HMGCLL1: variants seen among roughly 807,000 people sequenced by gnomAD.
HMGCLL1 encodes 3-hydroxymethyl-3-methylglutaryl-CoA lyase, cytoplasmic.
Under a neutral mutation model 39.1 loss-of-function variants are expected in HMGCLL1, and 36 were observed. That is an observed-to-expected ratio of 0.92 (90% CI 0.71 to 1.22). HMGCLL1 has a LOEUF of 1.22. Among genes scored for constraint, HMGCLL1 ranks in the 50% most tolerant of loss-of-function variants. HMGCLL1 has a pLI of 0.00. For synonymous variants in HMGCLL1, 149 were observed against 144.0 expected (o/e 1.03, Z -0.25); for missense variants, 451 against 416.5 (o/e 1.08, Z -0.72).
chr6:55,471,184 A>G (rs1765030001), intron 7 of HMGCLL1, among the ~76,000 whole-genome samples: 1 of 151,830 alleles, frequency 6.6e-6, no homozygotes, highest in South Asian at 2.1e-4. Flanking sequence ...ATATTACTTT[A>G]TTCTTCGATA....
chr6:55,602,229 A>T, the HMGCLL1 span, among the ~76,000 whole-genome samples: 1 of 152,114 alleles, frequency 6.6e-6, no homozygotes, highest in Non-Finnish European at 1.5e-5. Flanking sequence ...GCTCCAGGAG[A>T]TACCTCATAG....
In HMGCLL1 at chr6:55,435,727, A is replaced by C; in HGVS notation, c.958T>G (p.Phe320Val). The C allele has an allele frequency of 6.2e-7, 1 of 1,605,084 alleles. No homozygotes were observed. The highest frequency in any genetic ancestry group is 8.5e-7 in the Non-Finnish European group (1 of 1,174,366). The change falls in exon 9 of 9, where the codon TTT becomes GTT. Residue 320 changes from phenylalanine to valine, a missense_variant. Transcript: ENST00000274901. ...GTTTTATTCACAGCTTTGCAAATAA[A>C]GTCACCAGCTTCCATCACTTTGTAT... ...NLYKVMEAGDFICKAVNKTTN... is the reference protein window; with the variant it reads ...NLYKVMEAGDVICKAVNKTTN...
the HMGCLL1 span, among the ~76,000 whole-genome samples, chr6:55,650,124 TATATATATATACACACACAC>T: frequency 5.8e-5 from 4 of 69,074 alleles, no homozygotes; most frequent in Non-Finnish European, 7.7e-5. Context: ...TATATATATA[TATATATATATACACACACAC>T]ACACATATGT....
chr6:55,536,497 A>G (rs1769034881), intron 3 of HMGCLL1, among the ~76,000 whole-genome samples: 1 of 152,242 alleles, frequency 6.6e-6, no homozygotes, highest in Non-Finnish European at 1.5e-5. Flanking sequence ...TTGTATTTAC[A>G]GTTTAAATAG....
intron 7 of HMGCLL1, among the ~76,000 whole-genome samples, chr6:55,489,566 T>C (rs1358672175): frequency 6.6e-6 from 1 of 151,960 alleles, no homozygotes; most frequent in Non-Finnish European, 1.5e-5. Flanking sequence ...AAAAAATCAT[T>C]TTAAAATTAA....
intron 7 of HMGCLL1, among the ~76,000 whole-genome samples, chr6:55,487,898 G>C (rs1265024021): frequency 6.6e-6 from 1 of 151,962 alleles, no homozygotes; most frequent in Admixed American, 6.6e-5. Flanking sequence ...TCTCCTCTGG[G>C]TTATTATGAC....
intron 7 of HMGCLL1, among the ~76,000 whole-genome samples, chr6:55,488,155 C>T (rs1215904403): frequency 6.6e-6 from 1 of 151,996 alleles, no homozygotes; most frequent in Non-Finnish European, 1.5e-5. Context: ...GCTAGGAGGA[C>T]AGAGGGTACT....
chr6:55,614,321 G>A, the HMGCLL1 span, among the ~76,000 whole-genome samples: 4 of 152,060 alleles, frequency 2.6e-5, no homozygotes, highest in Non-Finnish European at 4.4e-5. Flanking sequence ...GAAGAACTTA[G>A]AGACATCTTT....
the HMGCLL1 span, among the ~76,000 whole-genome samples, chr6:55,616,223 C>T: frequency 6.6e-6 from 1 of 152,052 alleles, no homozygotes; most frequent in Non-Finnish European, 1.5e-5. Flanking sequence ...GGCCAAAGAA[C>T]ATTCACAAAC....
chr6:55,555,214 T>G (rs1770586256), intron 1 of HMGCLL1, among the ~76,000 whole-genome samples: 1 of 152,196 alleles, frequency 6.6e-6, no homozygotes, highest in South Asian at 2.1e-4. Flanking sequence ...TGCCATTTCT[T>G]GAACACCTGA....
chr6:55,481,903 CT>C (rs1765769485), intron 7 of HMGCLL1, among the ~76,000 whole-genome samples: 1 of 152,010 alleles, frequency 6.6e-6, no homozygotes. Context: ...TACTAGTGTT[CT>C]TTTTCAATTG....
At chr6:55,543,476 TA>T (rs1405131016) in intron 1 of HMGCLL1, among the ~76,000 whole-genome samples, 5 of 8,838 alleles carry the variant, frequency 5.7e-4, no homozygotes, top group Admixed American at 2.5e-3. Flanking sequence ...ATATCATATA[TA>T]ATATATATAT....
upstream of HMGCLL1, among the ~76,000 whole-genome samples, chr6:55,579,489 G>C (rs911411602): frequency 1.3e-5 from 2 of 152,150 alleles, no homozygotes; most frequent in African/African-American, 4.8e-5. Flanking sequence ...TGATGAGTTC[G>C]TTCATTCCCA....
the HMGCLL1 span, among the ~76,000 whole-genome samples, chr6:55,644,294 T>C: frequency 6.6e-6 from 1 of 152,120 alleles, no homozygotes; most frequent in Non-Finnish European, 1.5e-5. Context: ...ATTATGGTTA[T>C]TAATCCCTTG....
rs189896368 is a variant in HMGCLL1, at chr6:55,520,580, C to T, written c.298-3977G>A. Among the ~76,000 whole-genome samples the T allele has an allele frequency of 2.1e-3, 316 of 152,026 alleles. 3 individuals carry two copies. The highest frequency in any genetic ancestry group is 1.2e-3 in the Non-Finnish European group (84 of 67,956). ...AAAGGGCAGGTTCCAATTCAAGGTA[C>T]AAAGTCCTTGCTTTAATTTTTTTTT... On this transcript the variant is annotated intron_variant, in intron 3 of 8. Transcript: ENST00000274901.
chr6:55,478,228 T>A (rs1370501550), intron 7 of HMGCLL1, among the ~76,000 whole-genome samples: 3 of 151,284 alleles, frequency 2.0e-5, no homozygotes, highest in Non-Finnish European at 4.4e-5. Context: ...ATTTTGCCCT[T>A]TTTCATTCCC....
the HMGCLL1 span, among the ~76,000 whole-genome samples, chr6:55,637,611 C>A: frequency 6.6e-6 from 1 of 151,994 alleles, no homozygotes; most frequent in Non-Finnish European, 1.5e-5. Context: ...GAGTAGAGAT[C>A]ATATCTAGTC....
chr6:55,475,421 A>C (rs1765241545), intron 7 of HMGCLL1, among the ~76,000 whole-genome samples: 1 of 151,608 alleles, frequency 6.6e-6, no homozygotes, highest in South Asian at 2.1e-4. Context: ...TGTCAAAATT[A>C]GGCAGTTAAG....
chr6:55,648,593 C>T, the HMGCLL1 span, among the ~76,000 whole-genome samples: 6 of 67,824 alleles, frequency 8.8e-5, no homozygotes, highest in East Asian at 3.6e-4. Flanking sequence ...AACACCTCTA[C>T]GCAAATAAAC....
Sources: gnomAD v4.1 joint callset for allele counts (sites outside exome capture counted in the v4.1 genomes callset) on GRCh38, gnomAD v4.1.1 for gene constraint, MANE v1.5 for transcripts, NCBI Gene and HGNC (gene_info 2026-07-23, HGNC 2026-07-21) for gene names.